Variants in RALY observed in about 807,000 individuals in gnomAD.
RALY encodes the protein RNA-binding protein Raly.
RALY carries 15 observed loss-of-function variants against 30.7 expected under a neutral mutation model. That is an observed-to-expected ratio of 0.49 (90% CI 0.33 to 0.75). The LOEUF (loss-of-function observed/expected upper bound fraction) is 0.75. Ranked by LOEUF, RALY falls within the 30% of genes least tolerant of loss-of-function variation. The probability of loss-of-function intolerance (pLI) is 0.02; values close to 1 mark genes in which losing one functional copy is unlikely to be tolerated. For missense variants in RALY, 339 were observed against 414.3 expected, an observed-to-expected ratio of 0.82 and a Z score of 1.58; for synonymous variants, 177 against 170.8, an observed-to-expected ratio of 1.04 and a Z score of -0.28.
intron 8 of RALY, chr20:34,077,527 G>A (rs932421960): frequency 1.2e-5 from 7 of 569,216 alleles, no homozygotes; most frequent in East Asian, 3.4e-5. Context: ...TGGGAGATTC[G>A]GACATAAGGG....
At chr20:34,079,500 A>G (rs2033985582) in intron 9 of RALY, among the ~76,000 whole-genome samples, 1 of 152,198 alleles carries the variant, frequency 6.6e-6, no homozygotes, top group African/African-American at 2.4e-5. Context: ...GATAGATGAC[A>G]CATTTATGCT....
intron 2 of RALY, among the ~76,000 whole-genome samples, chr20:34,062,084 T>TTA (rs2033434129): frequency 6.6e-6 from 1 of 152,126 alleles, no homozygotes; most frequent in African/African-American, 2.4e-5. Context: ...ACCAGGGACT[T>TTA]TATTCATCTC....
intron 9 of RALY, among the ~76,000 whole-genome samples, chr20:34,079,111 G>C (rs1421412966): frequency 1.3e-5 from 2 of 152,198 alleles, no homozygotes; most frequent in Admixed American, 6.5e-5. Flanking sequence ...TGATTGTGAA[G>C]GGCCGTATGT....
At chr20:33,999,514 T>A (rs1218717970) in intron 1 of RALY, among the ~76,000 whole-genome samples, 1 of 152,212 alleles carries the variant, frequency 6.6e-6, no homozygotes, top group African/African-American at 2.4e-5. Flanking sequence ...GCCTGGAAAC[T>A]GCTTACGTTA....
chr20:33,996,678 A>G (rs1035750080), intron 1 of RALY, among the ~76,000 whole-genome samples: 1 of 152,144 alleles, frequency 6.6e-6, no homozygotes, highest in Non-Finnish European at 1.5e-5. Flanking sequence ...TAACCGTTTC[A>G]AAGTGTACAT....
At chr20:34,027,026 A>T (rs1310911992) in intron 1 of RALY, among the ~76,000 whole-genome samples, 1 of 152,126 alleles carries the variant, frequency 6.6e-6, no homozygotes, top group Admixed American at 6.6e-5. Flanking sequence ...CCCAAGACCC[A>T]TATGACAGTT....
intron 2 of RALY, among the ~76,000 whole-genome samples, chr20:34,045,705 T>G (rs1484665902): frequency 6.6e-6 from 1 of 152,196 alleles, no homozygotes; most frequent in East Asian, 1.9e-4. Context: ...CTCATGTAGC[T>G]CTCTCCCATT....
At chr20:34,072,551 C>T (rs1021298248) in intron 3 of RALY, among the ~76,000 whole-genome samples, 1 of 152,224 alleles carries the variant, frequency 6.6e-6, no homozygotes, top group Non-Finnish European at 1.5e-5. Flanking sequence ...TCTGCTTTCT[C>T]AGAGCTTCTT....
At chr20:34,002,378 G>A (rs958876089) in intron 1 of RALY, among the ~76,000 whole-genome samples, 3 of 152,146 alleles carry the variant, frequency 2.0e-5, no homozygotes, top group African/African-American at 7.2e-5. Flanking sequence ...TTCGTTCCAG[G>A]AATTTGGAGT....
chr20:34,012,075 A>G (rs930977565), intron 1 of RALY, among the ~76,000 whole-genome samples: 9 of 151,702 alleles, frequency 5.9e-5, no homozygotes, highest in Non-Finnish European at 7.4e-5. Flanking sequence ...CAAAAAAAAA[A>G]AAAAAGAAAA....
At chr20:34,019,350 TCTG>T (rs764907012) in intron 1 of RALY, among the ~76,000 whole-genome samples, 6 of 151,360 alleles carry the variant, frequency 4.0e-5, no homozygotes, top group Non-Finnish European at 8.8e-5. Context: ...AAAGGATCCT[TCTG>T]CTCTTCACAT....
intron 2 of RALY, among the ~76,000 whole-genome samples, chr20:34,057,535 C>A (rs187780952): frequency 4.0e-5 from 6 of 151,852 alleles, no homozygotes; most frequent in African/African-American, 9.7e-5. Flanking sequence ...GGCATGGTGG[C>A]GGGCGCCTGT....
chr20:34,024,134 C>A (rs1305947773), intron 1 of RALY, among the ~76,000 whole-genome samples: 1 of 152,132 alleles, frequency 6.6e-6, no homozygotes, highest in East Asian at 1.9e-4. Context: ...TCTGGTCTTA[C>A]CTCCCTTTTT....
At chr20:34,039,380 T>TCA (rs2032614366) in intron 2 of RALY, among the ~76,000 whole-genome samples, 1 of 152,230 alleles carries the variant, frequency 6.6e-6, no homozygotes, top group African/African-American at 2.4e-5. Flanking sequence ...TTGTGCTCTA[T>TCA]CACCCACTCA....
intron 2 of RALY, among the ~76,000 whole-genome samples, chr20:34,050,608 G>A (rs2033045275): frequency 1.3e-5 from 2 of 152,158 alleles, no homozygotes; most frequent in Admixed American, 6.5e-5. Flanking sequence ...CCCTTGTCAG[G>A]GTAGTCTCTA....
chr20:34,057,008 C>T (rs2033265240), intron 2 of RALY, among the ~76,000 whole-genome samples: 1 of 152,114 alleles, frequency 6.6e-6, no homozygotes, highest in South Asian at 2.1e-4. Context: ...TTGGAAAAAG[C>T]CTAAAAGACC....
intron 2 of RALY, among the ~76,000 whole-genome samples, chr20:34,042,724 A>G (rs1376280313): frequency 6.6e-6 from 1 of 152,222 alleles, no homozygotes. Flanking sequence ...TTAGTACCCT[A>G]ATGAAAATAT....
chr20:33,997,712 C>G (rs1274058232), intron 1 of RALY, among the ~76,000 whole-genome samples: 3 of 152,178 alleles, frequency 2.0e-5, no homozygotes, highest in Non-Finnish European at 4.4e-5. Context: ...TTAGATGCTG[C>G]ATATAGCCTT....
At position 33,998,864 on chromosome 20, in the gene RALY, C is replaced by T. The variant is rs539388438; in HGVS notation, c.-93+4733C>T. Among the ~76,000 whole-genome samples, 7 of 151,908 alleles carry T rather than the reference C, an allele frequency of 4.6e-5. No homozygotes were observed. The East Asian group carries it at 7.8e-4, about 17-fold the overall frequency. On this transcript the variant is annotated intron_variant, in intron 1 of 9. Transcript: ENST00000246194. The stretch of plus-strand genomic sequence containing the variant: ...TGGAATTGCTGGGCGTGGTGGCTCA[C>T]GTTTGTAGTCCTAGCACTTTGGGAG...
Sources: allele counts gnomAD v4.1 joint callset (sites outside exome capture counted in the v4.1 genomes callset), GRCh38; gene constraint gnomAD v4.1.1; transcripts MANE v1.5; gene names NCBI Gene and HGNC (gene_info 2026-07-23, HGNC 2026-07-21).